The following YAP1 variants were observed in gnomAD, a reference collection of about 807,000 sequenced individuals.
YAP1 encodes transcriptional coactivator YAP1.
Under a neutral mutation model 56.9 loss-of-function variants are expected in YAP1, and 5 were observed. The ratio of observed to expected loss-of-function variants is 0.09; its 90% CI spans 0.05 to 0.18. The LOEUF is 0.18. Ranked by LOEUF, YAP1 falls within the 10% of genes least tolerant of loss-of-function variation. The pLI, the probability that YAP1 is intolerant of heterozygous loss-of-function variation, is 1.00. For missense variants in YAP1, 539 were observed against 651.8 expected (o/e 0.83, Z 1.88); for synonymous variants, 265 against 248.1 (o/e 1.07, Z -0.64).
chr11:102,195,608 C>A (rs151009014), intron 4 of YAP1, among the ~76,000 whole-genome samples: 47 of 152,210 alleles, frequency 3.1e-4, no homozygotes, highest in East Asian at 2.5e-3. Flanking sequence ...AGTGAGTGCT[C>A]GCAAGATCTT....
intron 2 of YAP1, among the ~76,000 whole-genome samples, chr11:102,144,565 A>G (rs576051331): frequency 1.3e-5 from 2 of 152,198 alleles, no homozygotes; most frequent in South Asian, 2.1e-4. Flanking sequence ...TTATTTATCT[A>G]TTTTTGTAAA....
chr11:102,215,666 A>G (rs1277338607), intron 6 of YAP1, among the ~76,000 whole-genome samples: 1 of 152,130 alleles, frequency 6.6e-6, no homozygotes, highest in African/African-American at 2.4e-5. Context: ...TTTAGTAGAG[A>G]CAGGGTTTCA....
intron 3 of YAP1, among the ~76,000 whole-genome samples, chr11:102,178,389 C>A (rs1202996067): frequency 6.6e-6 from 1 of 152,068 alleles, no homozygotes; most frequent in African/African-American, 2.4e-5. Context: ...GGGCAGGTGA[C>A]AAGGGGAGGT....
chr11:102,194,361 A>G (rs1591381453), intron 4 of YAP1, among the ~76,000 whole-genome samples: 2 of 152,128 alleles, frequency 1.3e-5, no homozygotes, highest in South Asian at 2.1e-4. Flanking sequence ...TTTTATACTC[A>G]TTTTGTTCTG....
intron 6 of YAP1, among the ~76,000 whole-genome samples, chr11:102,221,731 T>G (rs188481367): frequency 7.2e-6 from 1 of 139,338 alleles, no homozygotes; most frequent in African/African-American, 2.6e-5. Context: ...TCAAAAAGAT[T>G]AAAAAAAAAA....
At chr11:102,138,177 G>T (rs906630824) in intron 2 of YAP1, among the ~76,000 whole-genome samples, 2 of 152,266 alleles carry the variant, frequency 1.3e-5, no homozygotes, top group African/African-American at 2.4e-5. Context: ...GAGCCACTGT[G>T]CCCAGCTGAT....
Position 102,230,183 on chromosome 11 carries a change from A to G in YAP1, c.*243A>G, listed in dbSNP as rs1950386965. On this transcript the variant is annotated 3_prime_UTR_variant, in exon 9 of 9. Coordinates refer to ENST00000282441, the MANE Select transcript of YAP1 (RefSeq NM_001130145.3). The stretch of plus-strand genomic sequence containing the variant: ...AAAAAAACTTTTTATTTCTTTTGCT[A>G]TTAAAACTACTGTTCATTTTGGGGG... 7.8e-6 allele frequency: 3 copies of G among 383,984 alleles called. No individual in the cohort carries two copies. Among genetic ancestry groups the G allele is most frequent in the Admixed American group, 4.1e-5 (1 of 24,162 alleles). The allele number at this position is 383,984 out of a possible 1,614,324, so 23.8% of individuals were successfully genotyped here.
chr11:102,130,210 A>C (rs1054191741), intron 2 of YAP1, among the ~76,000 whole-genome samples: 1 of 152,186 alleles, frequency 6.6e-6, no homozygotes, highest in Non-Finnish European at 1.5e-5. Context: ...AAAATATTGA[A>C]TGGTGTGAGG....
chr11:102,131,697 A>T (rs1944375258), intron 2 of YAP1, among the ~76,000 whole-genome samples: 1 of 152,198 alleles, frequency 6.6e-6, no homozygotes, highest in African/African-American at 2.4e-5. Context: ...TAAATTACAT[A>T]TGCGAACTAG....
intron 8 of YAP1, among the ~76,000 whole-genome samples, chr11:102,229,216 G>C (rs1370303584): frequency 6.6e-6 from 1 of 152,190 alleles, no homozygotes; most frequent in Non-Finnish European, 1.5e-5. Flanking sequence ...TTGTTTTGCT[G>C]TTAGGAAGGT....
At chr11:102,173,321 G>A (rs1035150016) in intron 3 of YAP1, among the ~76,000 whole-genome samples, 1 of 152,104 alleles carries the variant, frequency 6.6e-6, no homozygotes, top group Non-Finnish European at 1.5e-5. Flanking sequence ...AGAAGTTTGA[G>A]CCTTGTCCTG....
In YAP1 at chr11:102,231,903, A is replaced by G. The variant is rs1439192307; in HGVS notation, c.*1963A>G. The stretch of plus-strand genomic sequence containing the variant: ...TGGAGGAGGGCAAAAGTTGGAAGTA[A>G]GAAGTTTTATTTTAAGTACTTTCAG... On this transcript the variant is annotated 3_prime_UTR_variant, in exon 9 of 9. Transcript: ENST00000282441. 6.6e-6 allele frequency: 1 copy of G among 152,604 alleles called. No individual in the cohort carries two copies. The highest frequency in any genetic ancestry group is 2.4e-5 in the African/African-American group (1 of 41,444). 9.5% of individuals were successfully genotyped at this position (152,604 alleles called of 1,614,324 possible). A position where few individuals can be genotyped will look rare whatever the true frequency, so the allele number is the denominator to read the frequency against.
chr11:102,175,598 G>A (rs1222541153), intron 3 of YAP1, among the ~76,000 whole-genome samples: 1 of 152,086 alleles, frequency 6.6e-6, no homozygotes, highest in Non-Finnish European at 1.5e-5. Flanking sequence ...AAATATCATA[G>A]AGTAGGCTTA....
At chr11:102,116,263 G>T (rs1340645403) in intron 2 of YAP1, among the ~76,000 whole-genome samples, 1 of 152,048 alleles carries the variant, frequency 6.6e-6, no homozygotes, top group African/African-American at 2.4e-5. Flanking sequence ...CCTTTACGTT[G>T]TATTAAGTAT....
At chr11:102,211,397 G>A (rs1317456278) in intron 6 of YAP1, among the ~76,000 whole-genome samples, 1 of 152,188 alleles carries the variant, frequency 6.6e-6, no homozygotes, top group African/African-American at 2.4e-5. Flanking sequence ...TAATTACTCA[G>A]ATTTGCCCAG....
At chr11:102,132,112 T>C (rs961011531) in intron 2 of YAP1, among the ~76,000 whole-genome samples, 2 of 151,918 alleles carry the variant, frequency 1.3e-5, no homozygotes, top group Middle Eastern at 3.4e-3. Flanking sequence ...AGCGAGACCC[T>C]GTGTCAAAAA....
At chr11:102,210,382 A>G (rs931968317) in intron 6 of YAP1, among the ~76,000 whole-genome samples, 1 of 152,178 alleles carries the variant, frequency 6.6e-6, no homozygotes, top group Non-Finnish European at 1.5e-5. Flanking sequence ...TTGTTTTAGA[A>G]TCTGCTGTAG....
chr11:102,204,491 G>A (rs753309797), intron 4 of YAP1, among the ~76,000 whole-genome samples: 7 of 152,168 alleles, frequency 4.6e-5, no homozygotes, highest in Non-Finnish European at 8.8e-5. Flanking sequence ...GGCAATAAAT[G>A]TCAGTAGACA....
intron 2 of YAP1, among the ~76,000 whole-genome samples, chr11:102,134,885 A>G (rs948000070): frequency 1.3e-5 from 2 of 151,086 alleles, no homozygotes; most frequent in African/African-American, 4.9e-5. Flanking sequence ...TTTGTTTTCT[A>G]GTGTTTTTTT....
Sources: gnomAD v4.1 joint callset for allele counts (sites outside exome capture counted in the v4.1 genomes callset) on GRCh38, gnomAD v4.1.1 for gene constraint, MANE v1.5 for transcripts, NCBI Gene and HGNC (gene_info 2026-07-23, HGNC 2026-07-21) for gene names.